CLINT1: variants seen among roughly 807,000 people sequenced by gnomAD.
CLINT1 encodes clathrin interacting protein localized in the trans-Golgi region.
In CLINT1, 15 loss-of-function variants were observed where a neutral mutation model predicts 70.4. The ratio of observed to expected loss-of-function variants is 0.21; its 90% CI spans 0.14 to 0.33. The LOEUF (loss-of-function observed/expected upper bound fraction) is 0.33. Ranked by LOEUF, CLINT1 falls within the 10% of genes least tolerant of loss-of-function variation. The pLI is 1.00. For synonymous variants in CLINT1, 227 were observed against 254.7 expected (o/e 0.89, Z 1.04); for missense variants, 615 against 778.1 (o/e 0.79, Z 2.49).
chr5:157,819,951 G>A (rs1762830672), intron 1 of CLINT1, among the ~76,000 whole-genome samples: 2 of 152,210 alleles, frequency 1.3e-5, no homozygotes, highest in South Asian at 2.1e-4. Flanking sequence ...CTTAGCTGAA[G>A]GCCTGTGTGA....
At chr5:157,847,367 C>T (rs1753417534) in intron 1 of CLINT1, among the ~76,000 whole-genome samples, 1 of 152,014 alleles carries the variant, frequency 6.6e-6, no homozygotes, top group African/African-American at 2.4e-5. Flanking sequence ...AAAAATTAGC[C>T]AGGCGTGGTG....
chr5:157,797,469 T>A (rs993054040), intron 8 of CLINT1, among the ~76,000 whole-genome samples: 3 of 152,176 alleles, frequency 2.0e-5, no homozygotes, highest in Non-Finnish European at 4.4e-5. Flanking sequence ...CACTGCAACC[T>A]CCGCCTGCCA....
At chr5:157,804,374 C>G (rs1461690300) in intron 7 of CLINT1, among the ~76,000 whole-genome samples, 1 of 152,182 alleles carries the variant, frequency 6.6e-6, no homozygotes, top group African/African-American at 2.4e-5. Context: ...CTCCACAAAG[C>G]TAAGCACCCT....
At chr5:157,855,189 T>G (rs1753718944) in intron 1 of CLINT1, among the ~76,000 whole-genome samples, 4 of 130,310 alleles carry the variant, frequency 3.1e-5, no homozygotes, top group Non-Finnish European at 3.2e-5. Flanking sequence ...ATGAAAGAGA[T>G]TTACCACTAA....
chr5:157,819,711 A>G (rs1020492082), intron 1 of CLINT1, among the ~76,000 whole-genome samples: 3 of 152,248 alleles, frequency 2.0e-5, no homozygotes, highest in African/African-American at 7.2e-5. Flanking sequence ...TTAGGATTAT[A>G]ATTCACCCAA....
intron 2 of CLINT1, 90 bp downstream of exon 2, chr5:157,817,353 C>A: frequency 1.3e-6 from 1 of 792,794 alleles, no homozygotes. Flanking sequence ...TTTTGGCAGC[C>A]AAATAGTTTA....
At chr5:157,792,191 C>T (rs1039197346) in intron 9 of CLINT1, among the ~76,000 whole-genome samples, 196 bp from the exon 10 acceptor site, 1 of 152,040 alleles carries the variant, frequency 6.6e-6, no homozygotes, top group Admixed American at 6.6e-5. Flanking sequence ...AAAAAACAAA[C>T]CTCCCAAATA....
intron 9 of CLINT1, among the ~76,000 whole-genome samples, chr5:157,794,117 T>C (rs1561637559): frequency 6.6e-6 from 1 of 152,140 alleles, no homozygotes; most frequent in African/African-American, 2.4e-5. Flanking sequence ...TTCTATTAGG[T>C]TGGTGCAAGA....
In CLINT1 at chr5:157,787,530, A is replaced by C. The variant is rs1418322832; in HGVS notation, c.*116T>G. The C allele has an allele frequency of 1.1e-6, 1 of 908,232 alleles. No individual in the cohort carries two copies. 56.3% of individuals were successfully genotyped at this position (908,232 alleles called of 1,614,324 possible). A position where few individuals can be genotyped will look rare whatever the true frequency, so the allele number is the denominator to read the frequency against. ...AAACAGCCTTTTTGGTTCTTTATGT[A>C]GATTTATTTTAATTACTTGATAAAA... On this transcript the variant is annotated 3_prime_UTR_variant, in exon 12 of 12. Transcript: ENST00000411809.
At chr5:157,839,720 A>AATCTATCT (rs10632085) in intron 1 of CLINT1, among the ~76,000 whole-genome samples, 12,242 of 148,406 alleles carry the variant, frequency 0.082, 568 homozygotes, top group African/African-American at 0.11. Flanking sequence ...TTACAACAAA[A>AATCTATCT]ATCTATCTAT....
chr5:157,851,779 AC>A (rs1336418646), intron 1 of CLINT1, among the ~76,000 whole-genome samples: 1 of 152,126 alleles, frequency 6.6e-6, no homozygotes, highest in African/African-American at 2.4e-5. Flanking sequence ...GCACTGTTGC[AC>A]ATTAACAAAA....
chr5:157,802,048 C>T (rs1437223908), intron 8 of CLINT1, among the ~76,000 whole-genome samples: 1 of 152,048 alleles, frequency 6.6e-6, no homozygotes, highest in African/African-American at 2.4e-5. Flanking sequence ...GTGCCCATCA[C>T]CACGCCAAAC....
chr5:157,792,102 T>C, intron 9 of CLINT1, 107 bp from the exon 10 acceptor site: 5 of 883,920 alleles, frequency 5.7e-6, no homozygotes, highest in Non-Finnish European at 8.6e-6. Context: ...TCCCCCAGAT[T>C]AACATCTGCA....
intron 1 of CLINT1, among the ~76,000 whole-genome samples, chr5:157,821,701 A>G (rs1453098242): frequency 6.6e-6 from 1 of 152,214 alleles, no homozygotes; most frequent in African/African-American, 2.4e-5. Context: ...CTAGGATCAC[A>G]CTGTTTAAAT....
At chr5:157,807,065 G>C (rs1206175920) in intron 6 of CLINT1, among the ~76,000 whole-genome samples, 1 of 151,314 alleles carries the variant, frequency 6.6e-6, no homozygotes, top group Non-Finnish European at 1.5e-5. Flanking sequence ...TAGAGTAGGT[G>C]GTTTAATTTA....
intron 10 of CLINT1, 136 bp downstream of exon 10, chr5:157,791,567 A>G (rs1761904814): frequency 5.1e-6 from 4 of 787,538 alleles, no homozygotes; most frequent in South Asian, 3.4e-5. Context: ...ATGCGTATAT[A>G]TACACACACA....
chr5:157,854,139 T>G (rs1422443084), intron 1 of CLINT1, among the ~76,000 whole-genome samples: 1 of 151,948 alleles, frequency 6.6e-6, no homozygotes, highest in African/African-American at 2.4e-5. Flanking sequence ...AGAAGCAAAC[T>G]GAACAGAGAT....
chr5:157,820,926 A>G lies in CLINT1; in HGVS notation c.42-3379T>C, dbSNP rs545427612. 3.3e-5 allele frequency among the ~76,000 whole-genome samples: 5 copies of G among 152,298 alleles called. No individual in the cohort carries two copies. In the East Asian group the frequency reaches 9.7e-4, roughly 29 times the overall value. ...TTTGATCTGCAAACAAAATTACAGA[A>G]AAAGACACCGCCCCTCCCCAATAAA... On this transcript the variant is annotated intron_variant, in intron 1 of 11. Transcript: ENST00000411809.
chr5:157,809,757 T>C lies in CLINT1; in HGVS notation c.566A>G (p.Asp189Gly), dbSNP rs745904148. 3 of 1,613,354 alleles carry C rather than the reference T, an allele frequency of 1.9e-6. No homozygotes were observed. Among genetic ancestry groups the C allele is most frequent in the Non-Finnish European group, 2.5e-6 (3 of 1,179,610 alleles). The change falls in exon 6 of 12, where the codon GAT becomes GGT. Residue 189 changes from aspartate (D) to glycine (G), a missense_variant. By Grantham distance (94) the Asp-to-Gly change is moderately conservative (BLOSUM62 -1). This residue lies in a region of CLINT1 where 241 missense variants were observed against 368.6 expected (regional missense o/e 0.65). Transcript: ENST00000411809. ...GAATGGAAAAGCACTCTTGTTTTTA[T>C]CCCACTCCTCATCCCATTTTGATTT... ...EPKSKWDEEW[D>G]KNKSAFPFSD...
Sources: allele counts gnomAD v4.1 joint callset (sites outside exome capture counted in the v4.1 genomes callset), GRCh38; gene constraint gnomAD v4.1.1; regional missense constraint gnomAD v4.1.1; transcripts MANE v1.5; gene names NCBI Gene and HGNC (gene_info 2026-07-23, HGNC 2026-07-21).